Variants in ELOA observed in about 807,000 individuals in gnomAD.
The protein encoded by ELOA is elongin-A.
A neutral mutation model predicts 85.2 loss-of-function variants in ELOA; 15 were observed. The ratio of observed to expected loss-of-function variants is 0.18; its 90% CI spans 0.12 to 0.27. The LOEUF (loss-of-function observed/expected upper bound fraction) is 0.27, where lower values mean the gene tolerates loss of function less well. Ranked by LOEUF, ELOA falls within the 10% of genes least tolerant of loss-of-function variation. The pLI is 1.00. For missense variants in ELOA, 769 were observed against 952.7 expected, an observed-to-expected ratio of 0.81 and a Z score of 2.54; for synonymous variants, 348 against 357.2, an observed-to-expected ratio of 0.97 and a Z score of 0.29.
chr1:23,754,505 T>C (rs1475111869), intron 7 of ELOA, 45 bp downstream of exon 7: 2 of 1,468,474 alleles, frequency 1.4e-6, no homozygotes, highest in Non-Finnish European at 1.9e-6. Context: ...TTCTGGCTTG[T>C]ACCTCCAGAA....
At chr1:23,759,433 T>C in intron 10 of ELOA, 79 bp from the exon 11 acceptor site, 1 of 1,409,354 alleles carries the variant, frequency 7.1e-7, no homozygotes, top group Non-Finnish European at 1.0e-6. Flanking sequence ...ATAGCAGAGC[T>C]GGCTTTGACT....
chr1:23,755,861 G>A lies in ELOA; in HGVS notation c.1810G>A (p.Asp604Asn), dbSNP rs1197150964. ...EYNHVLIEET[D>N]QLWKVHCHRD... ...GTTTCAGGTATTAATTGAAGAAACAGATCAATTATGGAAAGTTCATTGTCA... is the reference window on the plus strand; with the variant it reads ...GTTTCAGGTATTAATTGAAGAAACAAATCAATTATGGAAAGTTCATTGTCA... The change falls in exon 8 of 11, where the codon GAT becomes AAT. Residue 604 changes from aspartate to asparagine, a missense_variant. Asp to Asn is a conservative substitution (Grantham distance 23). This residue lies in a region of ELOA where 193 missense variants were observed against 278.9 expected (regional missense o/e 0.69). Transcript: ENST00000613537. 1 of 1,607,740 alleles carries A rather than the reference G, an allele frequency of 6.2e-7. No homozygotes were observed. Among genetic ancestry groups the A allele is most frequent in the East Asian group, 2.2e-5 (1 of 44,806 alleles).
chr1:23,743,690 C>G (rs1644733231), intron 1 of ELOA, 112 bp downstream of exon 1: 1 of 1,260,090 alleles, frequency 7.9e-7, no homozygotes, highest in Non-Finnish European at 1.0e-6. Context: ...AGCCAGGCCC[C>G]GCGGGGCTGG....
intron 7 of ELOA, among the ~76,000 whole-genome samples, chr1:23,755,519 C>A (rs944996739): frequency 6.6e-6 from 1 of 152,092 alleles, no homozygotes; most frequent in Non-Finnish European, 1.5e-5. Context: ...TGGTGACACA[C>A]GCCTGTAATC....
chr1:23,745,481 A>T (rs1340159852), intron 1 of ELOA, among the ~76,000 whole-genome samples: 1 of 151,358 alleles, frequency 6.6e-6, no homozygotes, highest in African/African-American at 2.4e-5. Context: ...GAAAAGGCTT[A>T]TTCCACCTCA....
In ELOA at chr1:23,751,186, A is replaced by G. The variant is rs1557453627; in HGVS notation, c.581A>G (p.Tyr194Cys). The change falls in exon 4 of 11, where the codon TAC (tyrosine) becomes TGC (cysteine). Residue 194 changes from tyrosine (Y) to cysteine (C), a missense_variant. By Grantham distance (194) the Tyr-to-Cys change is radical. Transcript: ENST00000613537. ...TSPHQMYVDHYRSLEEDQEPI... is the reference protein window; with the variant it reads ...TSPHQMYVDHCRSLEEDQEPI... ...CCTCATCAGATGTACGTCGACCACTACAGATCCCTGGAGGAGGACCAGGAG... is the reference window on the plus strand; with the variant it reads ...CCTCATCAGATGTACGTCGACCACTGCAGATCCCTGGAGGAGGACCAGGAG... 2 of 1,614,036 alleles carry G rather than the reference A, an allele frequency of 1.2e-6. No individual in the cohort carries two copies. Among genetic ancestry groups the G allele is most frequent in the South Asian group, 1.1e-5 (1 of 91,092 alleles).
Position 23,751,384 on chromosome 1 carries a change from A to G in ELOA, c.779A>G (p.Asp260Gly). ...AAACGCCCCGTGGATGCCAAGAGTGATGAGAAGGCCTCTGTGGTGAGCAGA... is the reference window on the plus strand; with the variant it reads ...AAACGCCCCGTGGATGCCAAGAGTGGTGAGAAGGCCTCTGTGGTGAGCAGA... ...KDKRPVDAKS[D>G]EKASVVSREK... The change falls in exon 4 of 11, where the codon GAT becomes GGT. Residue 260 changes from aspartate (D) to glycine (G), a missense_variant. Coordinates refer to ENST00000613537, the MANE Select transcript of ELOA (RefSeq NM_003198.3). 1 of 1,614,188 alleles carries G rather than the reference A, an allele frequency of 6.2e-7. No individual in the cohort carries two copies. Among genetic ancestry groups the G allele is most frequent in the Non-Finnish European group, 8.5e-7 (1 of 1,180,038 alleles).
At chr1:23,748,312 T>C (rs746407868) in intron 1 of ELOA, among the ~76,000 whole-genome samples, 3 of 149,520 alleles carry the variant, frequency 2.0e-5, no homozygotes, top group Non-Finnish European at 4.4e-5. Flanking sequence ...AGATCACTCA[T>C]CGAGTGACAA....
At chr1:23,754,504 G>T (rs370085811) in intron 7 of ELOA, 44 bp downstream of exon 7, 891 of 1,476,292 alleles carry the variant, frequency 6.0e-4, no homozygotes, top group Non-Finnish European at 7.2e-4. Flanking sequence ...TTTCTGGCTT[G>T]TACCTCCAGA....
At chr1:23,756,482 G>A in intron 9 of ELOA, 97 bp downstream of exon 9, 1 of 1,048,238 alleles carries the variant, frequency 9.5e-7, no homozygotes, top group Non-Finnish European at 1.4e-6. Flanking sequence ...AAGTGAGGCA[G>A]TGCAGACTGT....
At chr1:23,755,592 G>A (rs896602032) in intron 7 of ELOA, among the ~76,000 whole-genome samples, 1 of 152,000 alleles carries the variant, frequency 6.6e-6, no homozygotes, top group South Asian at 2.1e-4. Context: ...GACCAGCCTG[G>A]ACAACATGGC....
At chr1:23,749,351 A>C (rs540914832) in intron 2 of ELOA, among the ~76,000 whole-genome samples, 1 of 152,232 alleles carries the variant, frequency 6.6e-6, no homozygotes, top group Non-Finnish European at 1.5e-5. Flanking sequence ...GATGGTTATA[A>C]TGGTTATATA....
chr1:23,754,878 A>G (rs1434029680), intron 7 of ELOA, among the ~76,000 whole-genome samples: 3 of 151,812 alleles, frequency 2.0e-5, no homozygotes, highest in Admixed American at 6.6e-5. Flanking sequence ...GATGTAGGGT[A>G]TACACATTTG....
rs758250987 is a variant in ELOA, at chr1:23,756,934, G to A, written c.2085-19G>A. ...GATTTCTTGTGCTCATGCCTAACCA[G>A]TGTTGTCCTGTGTTGCAGGATCAAG... On this transcript the variant is annotated intron_variant, in intron 9 of 10. Coordinates refer to ENST00000613537, the MANE Select transcript of ELOA (RefSeq NM_003198.3). 3 of 1,478,920 alleles carry A rather than the reference G, an allele frequency of 2.0e-6. No individual in the cohort carries two copies. Among genetic ancestry groups the A allele is most frequent in the South Asian group, 2.9e-5 (2 of 68,336 alleles). The allele number at this position is 1,478,920 out of a possible 1,614,324, so 91.6% of individuals were successfully genotyped here. A position where few individuals can be genotyped will look rare whatever the true frequency, so the allele number is the denominator to read the frequency against.
intron 10 of ELOA, among the ~76,000 whole-genome samples, chr1:23,757,530 G>A (rs560086209): frequency 2.2e-4 from 34 of 152,206 alleles, no homozygotes; most frequent in Admixed American, 3.9e-4. Context: ...ATGGAGTCTC[G>A]CTCTGTCACC....
intron 4 of ELOA, 77 bp from the exon 5 acceptor site, chr1:23,752,330 C>A: frequency 7.1e-7 from 1 of 1,403,838 alleles, no homozygotes; most frequent in Non-Finnish European, 9.9e-7. Flanking sequence ...CCAGTTAATG[C>A]TCCCGGGAAT....
Position 23,759,572 on chromosome 1 carries a change from A to C in ELOA, c.2318A>C (p.Ter773SerextTer68). The change falls in exon 11 of 11, where the codon TAA (stop) becomes TCA (serine). Residue 773 changes from the stop codon to serine (S), a stop_lost. Transcript: ENST00000613537. ...TTCAAGAACAGATTCTCCCGACGAT[A>C]AACTGAGGACTTGCCTTGGAAATGG... ...KAFKNRFSRR[*>S] The C allele has an allele frequency of 6.2e-7, 1 of 1,614,176 alleles. No individual in the cohort carries two copies.
At chr1:23,752,762 G>C (rs1476443520) in intron 5 of ELOA, among the ~76,000 whole-genome samples, 1 of 152,042 alleles carries the variant, frequency 6.6e-6, no homozygotes, top group African/African-American at 2.4e-5. Flanking sequence ...GGCCAACATG[G>C]TGAAACCCTG....
Position 23,756,968 on chromosome 1 carries a change from G to C in ELOA, c.2100G>C (p.Pro700=). 1 of 1,547,532 alleles carries C rather than the reference G, an allele frequency of 6.5e-7. No homozygotes were observed. Among genetic ancestry groups the C allele is most frequent in the Non-Finnish European group, 8.7e-7 (1 of 1,151,082 alleles). ...VPEKIKIKPA[P]YPMGSSHASA... ...TGTGTTGCAGGATCAAGCCAGCCCC[G>C]TACCCCATGGGAAGCAGCCATGCTT... Residue 700 remains proline (P), a synonymous_variant, in exon 10 of 11, where the codon CCG becomes CCC. Transcript: ENST00000613537.
Sources: gnomAD v4.1 joint callset for allele counts (sites outside exome capture counted in the v4.1 genomes callset) on GRCh38, gnomAD v4.1.1 for gene constraint, gnomAD v4.1.1 regional missense constraint, MANE v1.5 for transcripts, NCBI Gene and HGNC (gene_info 2026-07-23, HGNC 2026-07-21) for gene names.